The following ZNF85 variants were observed in gnomAD, a reference collection of about 807,000 sequenced individuals.
ZNF85 encodes the protein zinc finger protein 85 (HPF4, HTF1).
A neutral mutation model predicts 53.9 loss-of-function variants in ZNF85; 50 were observed. The observed-to-expected ratio is 0.93, with a 90% CI of 0.74 to 1.17. The LOEUF is 1.17. Ranked by LOEUF, ZNF85 falls within the 50% of genes most tolerant of loss-of-function variation. The pLI is 0.00. For missense variants in ZNF85, 747 were observed against 688.5 expected (o/e 1.08, Z -0.95); for synonymous variants, 225 against 226.1 (o/e 1.00, Z 0.04).
At position 20,931,620 on chromosome 19, in the gene ZNF85, C is replaced by CTTT. The variant is rs1156835317; in HGVS notation, c.4-2387_4-2385dup. Among the ~76,000 whole-genome samples, 784 of 119,412 alleles carry CTTT rather than the reference C, an allele frequency of 6.6e-3. 15 individuals are homozygous for CTTT. The highest frequency in any genetic ancestry group is 0.01 in the Non-Finnish European group (600 of 59,740). The allele number at this position is 119,412 out of a possible 152,430, so 78.3% of individuals were successfully genotyped here. ...ATATTTTCTTTTTCTTTTTCTTTTT[C>CTTT]TTTTTTTTTTTTTTTTTTTGAGGTG... On this transcript the variant is annotated intron_variant, in intron 1 of 3. Coordinates refer to ENST00000328178, the MANE Select transcript of ZNF85 (RefSeq NM_003429.5).
chr19:20,928,214 A>C (rs1004249816), intron 1 of ZNF85: 2 of 152,108 alleles, frequency 1.3e-5, no homozygotes, highest in Non-Finnish European at 2.9e-5. Context: ...TGTGGGACTG[A>C]ACCCTGAATC....
intron 1 of ZNF85, 145 bp from the exon 2 acceptor site, chr19:20,933,879 A>T: frequency 1.2e-6 from 1 of 836,650 alleles, no homozygotes; most frequent in South Asian, 3.2e-5. Context: ...CACTCCTGTA[A>T]GTCAGAAACA....
chr19:20,944,900 T>C lies in ZNF85; in HGVS notation c.230-3844T>C, dbSNP rs139072830. Among the ~76,000 whole-genome samples the C allele has an allele frequency of 5.1e-4, 77 of 152,290 alleles. No homozygotes were observed. In the East Asian group the frequency reaches 0.014, roughly 28 times the overall value. On this transcript the variant is annotated intron_variant, in intron 3 of 3. Coordinates refer to ENST00000328178, the MANE Select transcript of ZNF85 (RefSeq NM_003429.5). ...CATATGTCTATTGCTAATGTGTTTA[T>C]GTTTGCTTGCCTGTATAAATATTAT...
intron 1 of ZNF85, among the ~76,000 whole-genome samples, chr19:20,931,836 T>G (rs943097080): frequency 1.3e-5 from 2 of 152,068 alleles, no homozygotes; most frequent in Non-Finnish European, 2.9e-5. Flanking sequence ...CTCAATCTTC[T>G]GACCTCAGGA....
intron 3 of ZNF85, among the ~76,000 whole-genome samples, chr19:20,948,540 T>C (rs1973476713): frequency 6.6e-6 from 1 of 152,142 alleles, no homozygotes; most frequent in Admixed American, 6.5e-5. Flanking sequence ...TGCACACACT[T>C]AACTCATTTA....
At chr19:20,947,718 AGTTT>A (rs1404766867) in intron 3 of ZNF85, among the ~76,000 whole-genome samples, 5 of 151,128 alleles carry the variant, frequency 3.3e-5, no homozygotes. Flanking sequence ...TGTGTATTCT[AGTTT>A]GTTGAGCTTC....
At position 20,934,100 on chromosome 19, in the gene ZNF85, A is replaced by G. The variant is rs1278444854; in HGVS notation, c.80A>G (p.Asn27Ser). The G allele has an allele frequency of 6.2e-7, 1 of 1,612,696 alleles. No homozygotes were observed. The highest frequency in any genetic ancestry group is 2.2e-5 in the East Asian group (1 of 44,856). ...EWQCLDTAQR[N>S]LYRNVMLENY... The stretch of plus-strand genomic sequence containing the variant: ...CAATGCCTGGACACTGCACAGCGGA[A>G]TTTATATAGAAATGTGATGTTAGAG... The change falls in exon 2 of 4, where the codon AAT (asparagine) becomes AGT (serine). Residue 27 changes from asparagine to serine, a missense_variant. Coordinates refer to ENST00000328178, the MANE Select transcript of ZNF85 (RefSeq NM_003429.5).
At chr19:20,933,948 T>C (rs1267069783) in intron 1 of ZNF85, 76 bp from the exon 2 acceptor site, 1 of 1,384,470 alleles carries the variant, frequency 7.2e-7, no homozygotes, top group South Asian at 1.7e-5. Flanking sequence ...TCATAACCAG[T>C]TGGTAATTAT....
At chr19:20,932,043 G>C (rs775346506) in intron 1 of ZNF85, among the ~76,000 whole-genome samples, 2 of 152,124 alleles carry the variant, frequency 1.3e-5, no homozygotes, top group African/African-American at 2.4e-5. Flanking sequence ...CCATTATAAA[G>C]GACATAAATG....
intron 3 of ZNF85, chr19:20,936,764 G>A (rs1176392997): frequency 6.5e-6 from 1 of 153,942 alleles, no homozygotes; most frequent in Non-Finnish European, 1.4e-5. Flanking sequence ...AGGCTAAAAT[G>A]TGGGAGCTAA....
intron 3 of ZNF85, chr19:20,937,193 G>T: frequency 2.6e-6 from 1 of 379,482 alleles, no homozygotes; most frequent in Non-Finnish European, 5.3e-6. Context: ...CACAACGTCT[G>T]GCCAATTTTT....
chr19:20,948,709 C>T (rs1215495137), intron 3 of ZNF85, 35 bp from the exon 4 acceptor site: 3 of 1,418,356 alleles, frequency 2.1e-6, no homozygotes. Context: ...CTAAGTCTAG[C>T]AAGTGGAGTA....
chr19:20,949,814 G>A lies in ZNF85; in HGVS notation c.1300G>A (p.Ala434Thr). Residue 434 changes from alanine to threonine, a missense_variant, in exon 4 of 4, where the codon GCT (alanine) becomes ACT (threonine). Ala to Thr is a moderately conservative substitution (Grantham distance 58). Coordinates refer to ENST00000328178, the MANE Select transcript of ZNF85 (RefSeq NM_003429.5). ...KPYKCKECEK[A>T]FNQSSKLTEH... ...TTACAAATGTAAAGAATGTGAAAAAGCTTTTAACCAATCCTCAAAACTTAC... is the reference window on the plus strand; with the variant it reads ...TTACAAATGTAAAGAATGTGAAAAAACTTTTAACCAATCCTCAAAACTTAC... 1 of 1,612,018 alleles carries A rather than the reference G, an allele frequency of 6.2e-7. No individual in the cohort carries two copies. The highest frequency in any genetic ancestry group is 8.5e-7 in the Non-Finnish European group (1 of 1,179,048).
At position 20,949,956 on chromosome 19, in the gene ZNF85, C is replaced by A; in HGVS notation, c.1442C>A (p.Pro481His). The A allele has an allele frequency of 6.2e-7, 1 of 1,612,550 alleles. No homozygotes were observed. The highest frequency in any genetic ancestry group is 8.5e-7 in the Non-Finnish European group (1 of 1,179,196). The change falls in exon 4 of 4, where the codon CCT becomes CAT. Residue 481 changes from proline to histidine, a missense_variant. Transcript: ENST00000328178. Reference protein sequence around the residue: ...RHKKSHTEEKPYKCEECGKGF... With the variant: ...RHKKSHTEEKHYKCEECGKGF... ...AAGAAAAGTCATACAGAAGAGAAAC[C>A]TTACAAATGTGAAGAATGTGGCAAA...
At chr19:20,934,238 T>C (rs1973102961) in intron 2 of ZNF85, 88 bp downstream of exon 2, 1 of 1,506,442 alleles carries the variant, frequency 6.6e-7, no homozygotes, top group Non-Finnish European at 8.9e-7. Flanking sequence ...TAAAGTGTGC[T>C]TTGCATAAAT....
At chr19:20,925,241 G>A (rs1281965446) in intron 1 of ZNF85, among the ~76,000 whole-genome samples, 1 of 151,988 alleles carries the variant, frequency 6.6e-6, no homozygotes, top group Non-Finnish European at 1.5e-5. Flanking sequence ...GGCGGATCGC[G>A]AGGTCAGGAA....
chr19:20,935,750 A>G (rs532311459), intron 3 of ZNF85, among the ~76,000 whole-genome samples: 11 of 151,412 alleles, frequency 7.3e-5, no homozygotes, highest in South Asian at 2.1e-4. Flanking sequence ...GGGTTTCTCA[A>G]TGTTGGTCAG....
intron 3 of ZNF85, among the ~76,000 whole-genome samples, chr19:20,942,392 T>C (rs962069031): frequency 6.6e-6 from 1 of 152,124 alleles, no homozygotes; most frequent in African/African-American, 2.4e-5. Context: ...TCCACCTGCC[T>C]TGGCCTCCCA....
intron 1 of ZNF85, among the ~76,000 whole-genome samples, chr19:20,931,194 A>G (rs760620154): frequency 6.6e-6 from 1 of 152,160 alleles, no homozygotes; most frequent in Non-Finnish European, 1.5e-5. Flanking sequence ...GGGAAGCAAC[A>G]TCAGCACTGA....
Sources: allele counts gnomAD v4.1 joint callset (sites outside exome capture counted in the v4.1 genomes callset), GRCh38; gene constraint gnomAD v4.1.1; transcripts MANE v1.5; gene names NCBI Gene and HGNC (gene_info 2026-07-23, HGNC 2026-07-21).